Variants in CDYL2 observed in about 807,000 individuals in gnomAD.
CDYL2 encodes the protein chromodomain Y like 2, also known as chromodomain Y-like protein 2.
A neutral mutation model predicts 49.4 loss-of-function variants in CDYL2; 23 were observed. The observed-to-expected ratio is 0.47, with a 90% CI of 0.34 to 0.66. The LOEUF (loss-of-function observed/expected upper bound fraction) is 0.66, where lower values mean the gene tolerates loss of function less well. CDYL2 is among the 30% of genes least tolerant of loss of function. The probability of loss-of-function intolerance (pLI) is 0.01; values close to 1 mark genes in which losing one functional copy is unlikely to be tolerated. For synonymous variants in CDYL2, 360 were observed against 268.8 expected (o/e 1.34, Z -3.32); for missense variants, 678 against 656.4 (o/e 1.03, Z -0.36).
At chr16:80,738,486 T>C (rs955284269) in intron 1 of CDYL2, among the ~76,000 whole-genome samples, 1 of 152,132 alleles carries the variant, frequency 6.6e-6, no homozygotes, top group Non-Finnish European at 1.5e-5. Context: ...GAAAATATTA[T>C]GCTAAGTGAA....
intron 1 of CDYL2, among the ~76,000 whole-genome samples, chr16:80,685,683 C>T (rs1449255677): frequency 6.6e-6 from 1 of 152,182 alleles, no homozygotes; most frequent in East Asian, 1.9e-4. Flanking sequence ...ATCTCATTTT[C>T]TCGTGGACAA....
At chr16:80,712,191 G>GTATATATATATCTATATA (rs1904637230) in intron 1 of CDYL2, among the ~76,000 whole-genome samples, 1 of 107,934 alleles carries the variant, frequency 9.3e-6, no homozygotes, top group South Asian at 3.3e-4. Flanking sequence ...GTCTGTGTGT[G>GTATATATATATCTATATA]TATATATATA....
At chr16:80,712,017 GTA>G (rs1412571995) in intron 1 of CDYL2, among the ~76,000 whole-genome samples, 27 of 140,404 alleles carry the variant, frequency 1.9e-4, no homozygotes, top group African/African-American at 4.8e-4. Context: ...ATATATGTGT[GTA>G]TATATATGTG....
chr16:80,643,636 T>C (rs1364918456), intron 2 of CDYL2, among the ~76,000 whole-genome samples: 1 of 152,246 alleles, frequency 6.6e-6, no homozygotes, highest in Non-Finnish European at 1.5e-5. Context: ...AGTTCTTGAC[T>C]TCTGGGCACT....
intron 1 of CDYL2, among the ~76,000 whole-genome samples, chr16:80,698,758 T>C (rs891641390): frequency 2.0e-5 from 3 of 152,150 alleles, no homozygotes; most frequent in Non-Finnish European, 2.9e-5. Context: ...CTGCCATGAT[T>C]GTAAGTTTCC....
intron 2 of CDYL2, among the ~76,000 whole-genome samples, chr16:80,671,305 G>C (rs1909497600): frequency 6.6e-6 from 1 of 152,176 alleles, no homozygotes; most frequent in Non-Finnish European, 1.5e-5. Context: ...GCTGACATAG[G>C]GGCCAGAACC....
At chr16:80,753,240 G>C (rs1307862361) in intron 1 of CDYL2, among the ~76,000 whole-genome samples, 1 of 150,260 alleles carries the variant, frequency 6.7e-6, no homozygotes, top group East Asian at 1.9e-4. Context: ...GCCTTTCCGA[G>C]AAATGGTAAA....
intron 1 of CDYL2, among the ~76,000 whole-genome samples, chr16:80,755,205 T>C (rs1906268990): frequency 6.6e-6 from 1 of 152,172 alleles, no homozygotes; most frequent in Admixed American, 6.5e-5. Context: ...AAATGTAAAT[T>C]TCTCCTATGT....
chr16:80,631,774 G>A (rs1226867268), intron 3 of CDYL2, among the ~76,000 whole-genome samples: 1 of 152,102 alleles, frequency 6.6e-6, no homozygotes, highest in East Asian at 1.9e-4. Flanking sequence ...AATGACCAAT[G>A]CACTCATGAA....
chr16:80,677,199 T>C (rs1909786294), intron 2 of CDYL2, among the ~76,000 whole-genome samples: 1 of 151,700 alleles, frequency 6.6e-6, no homozygotes, highest in Non-Finnish European at 1.5e-5. Context: ...CTTGAACTCC[T>C]GGGCTCAAGC....
At chr16:80,797,213 T>C (rs1162858525) in intron 1 of CDYL2, among the ~76,000 whole-genome samples, 1 of 152,228 alleles carries the variant, frequency 6.6e-6, no homozygotes, top group Admixed American at 6.5e-5. Flanking sequence ...AACTTGCTGC[T>C]GTGGACGTCT....
chr16:80,727,328 G>A (rs1348741050), intron 1 of CDYL2, among the ~76,000 whole-genome samples: 2 of 152,244 alleles, frequency 1.3e-5, no homozygotes, highest in African/African-American at 2.4e-5. Flanking sequence ...GTCAAGGAAA[G>A]GGGTGACAGA....
At chr16:80,672,553 AGG>A in intron 2 of CDYL2, among the ~76,000 whole-genome samples, 1 of 127,854 alleles carries the variant, frequency 7.8e-6, no homozygotes, top group Non-Finnish European at 1.7e-5. Context: ...AGGAAAGGAA[AGG>A]AAAGGAAAGG....
chr16:80,647,967 T>C (rs58437017), intron 2 of CDYL2, among the ~76,000 whole-genome samples: 7,728 of 152,102 alleles, frequency 0.051, 445 homozygotes, highest in African/African-American at 0.15. Flanking sequence ...AAACAAATGA[T>C]AGTGGAAACA....
chr16:80,739,927 G>C (rs1905676451), intron 1 of CDYL2, among the ~76,000 whole-genome samples: 1 of 152,192 alleles, frequency 6.6e-6, no homozygotes, highest in Admixed American at 6.5e-5. Context: ...GGAGCACAAA[G>C]CTGAGTCACG....
rs183822507 is a variant in CDYL2, at chr16:80,611,635, G to C, written c.1218+991C>G. Among the ~76,000 whole-genome samples, 3 of 152,358 alleles carry C rather than the reference G, an allele frequency of 2.0e-5. 1 individual carries two copies. The highest frequency in any genetic ancestry group is 7.2e-5 in the African/African-American group (3 of 41,568). ...GGAGCACAGACAGTGGAACCAGCCA[G>C]TTCGTGCTCAAATCCCACAACTGGC... is the stretch of plus-strand genomic sequence containing the variant. On this transcript the variant is annotated intron_variant, in intron 5 of 6. Coordinates refer to ENST00000570137, the MANE Select transcript of CDYL2 (RefSeq NM_152342.4).
At chr16:80,684,124 C>T (rs1034400748) in intron 2 of CDYL2, among the ~76,000 whole-genome samples, 1 of 152,146 alleles carries the variant, frequency 6.6e-6, no homozygotes, top group Non-Finnish European at 1.5e-5. Flanking sequence ...CTGCTGGGGG[C>T]ATGATGAGGC....
intron 1 of CDYL2, among the ~76,000 whole-genome samples, chr16:80,724,299 G>A (rs1241158710): frequency 6.6e-6 from 1 of 150,664 alleles, no homozygotes; most frequent in East Asian, 2.0e-4. Context: ...AAAGAAAGGA[G>A]AAGAGAGAGA....
At chr16:80,606,522 T>C (rs1906341099) in intron 6 of CDYL2, among the ~76,000 whole-genome samples, 2 of 152,284 alleles carry the variant, frequency 1.3e-5, no homozygotes, top group South Asian at 4.1e-4. Flanking sequence ...CACTGCTGCC[T>C]ACACTCCCTG....
Sources: allele counts gnomAD v4.1 joint callset (sites outside exome capture counted in the v4.1 genomes callset), GRCh38; gene constraint gnomAD v4.1.1; transcripts MANE v1.5; gene names NCBI Gene and HGNC (gene_info 2026-07-23, HGNC 2026-07-21).